The following SLC24A4 variants were observed in gnomAD, a reference collection of about 807,000 sequenced individuals.
SLC24A4 encodes the protein solute carrier family 24 member 4, also known as sodium/potassium/calcium exchanger 4.
In SLC24A4, 53 loss-of-function variants were observed where a neutral mutation model predicts 79.0. The ratio of observed to expected loss-of-function variants is 0.67; its 90% CI spans 0.54 to 0.84. SLC24A4 has a LOEUF of 0.84. Ranked by LOEUF, SLC24A4 falls within the 40% of genes least tolerant of loss-of-function variation. The pLI is 0.00. For synonymous variants in SLC24A4, 323 were observed against 323.8 expected, an observed-to-expected ratio of 1.00 and a Z score of 0.03; for missense variants, 731 against 822.0, an observed-to-expected ratio of 0.89 and a Z score of 1.35.
intron 2 of SLC24A4, among the ~76,000 whole-genome samples, chr14:92,329,453 A>T (rs188893602): frequency 1.9e-3 from 283 of 152,194 alleles, no homozygotes; most frequent in Admixed American, 3.3e-3. Flanking sequence ...TTTTGATCTC[A>T]TTATCTGAGT....
chr14:92,459,576 G>C (rs1893678233), intron 12 of SLC24A4, among the ~76,000 whole-genome samples: 3 of 152,164 alleles, frequency 2.0e-5, no homozygotes, highest in African/African-American at 7.2e-5. Flanking sequence ...TGTCCTCCCT[G>C]CCCTCAGGAA....
chr14:92,367,051 A>C (rs950575546), intron 2 of SLC24A4, among the ~76,000 whole-genome samples: 8 of 152,312 alleles, frequency 5.3e-5, no homozygotes, highest in African/African-American at 1.7e-4. Flanking sequence ...GTGAGGGAGC[A>C]GGTGGACACC....
chr14:92,413,203 A>C (rs1328829433), intron 2 of SLC24A4, among the ~76,000 whole-genome samples: 2 of 152,104 alleles, frequency 1.3e-5, no homozygotes, highest in Non-Finnish European at 2.9e-5. Context: ...CTGCTCTCCA[A>C]TAAGGAGAGT....
At chr14:92,405,907 A>C (rs149736447) in intron 2 of SLC24A4, among the ~76,000 whole-genome samples, 1 of 152,192 alleles carries the variant, frequency 6.6e-6, no homozygotes, top group African/African-American at 2.4e-5. Context: ...CCTTCCCAAC[A>C]GTCCCCCAAA....
chr14:92,457,900 C>G (rs950111625), intron 12 of SLC24A4, among the ~76,000 whole-genome samples: 7 of 152,204 alleles, frequency 4.6e-5, no homozygotes, highest in African/African-American at 1.7e-4. Flanking sequence ...GCCTCTTGTC[C>G]CATCTTGATG....
At chr14:92,453,001 A>T (rs1393344256) in intron 10 of SLC24A4, 1 of 152,192 alleles carries the variant, frequency 6.6e-6, no homozygotes, top group Non-Finnish European at 1.5e-5. Flanking sequence ...TTTGGAGGGG[A>T]ACACTCTGCC....
intron 2 of SLC24A4, among the ~76,000 whole-genome samples, chr14:92,330,287 T>C (rs1442962393): frequency 6.6e-6 from 1 of 152,250 alleles, no homozygotes; most frequent in African/African-American, 2.4e-5. Flanking sequence ...AAAATTTGAA[T>C]GTTAACACTT....
rs531756651 is a variant in SLC24A4, at chr14:92,455,882, G to C, written c.1051-522G>C. Among the ~76,000 whole-genome samples the C allele has an allele frequency of 2.6e-5, 4 of 152,240 alleles. No individual in the cohort carries two copies. The East Asian group carries it at 7.7e-4, about 29-fold the overall frequency. The stretch of plus-strand genomic sequence containing the variant: ...CGGCTGGCTAGTTTTTGTATTTTTA[G>C]TAGAGACAGGGTTTCACCATGTTGG... On this transcript the variant is annotated intron_variant, in intron 11 of 16. Transcript: ENST00000532405.
chr14:92,486,630 G>A, intron 13 of SLC24A4, 36 bp from the exon 14 acceptor site: 1 of 1,314,738 alleles, frequency 7.6e-7, no homozygotes, highest in Non-Finnish European at 1.1e-6. Flanking sequence ...ACACACTGTT[G>A]GTTGAGAGTT....
intron 2 of SLC24A4, among the ~76,000 whole-genome samples, chr14:92,431,396 C>A (rs148949366): frequency 6.6e-6 from 1 of 152,328 alleles, no homozygotes; most frequent in African/African-American, 2.4e-5. Flanking sequence ...CTAAGTCCAT[C>A]GGCTGCTAGA....
intron 2 of SLC24A4, among the ~76,000 whole-genome samples, chr14:92,390,962 T>C (rs978626157): frequency 6.6e-6 from 1 of 152,156 alleles, no homozygotes; most frequent in Non-Finnish European, 1.5e-5. Context: ...GCTCTTTCCA[T>C]CTTGCAGCTT....
chr14:92,371,495 C>G (rs1888149564), intron 2 of SLC24A4, among the ~76,000 whole-genome samples: 1 of 152,142 alleles, frequency 6.6e-6, no homozygotes, highest in South Asian at 2.1e-4. Flanking sequence ...TATAGATGGC[C>G]AGAGATTCCA....
intron 10 of SLC24A4, chr14:92,451,220 T>C (rs1453967545): frequency 1.3e-5 from 2 of 152,030 alleles, no homozygotes; most frequent in Non-Finnish European, 2.9e-5. Context: ...ACGCCTGGAA[T>C]TGGAGAAAGG....
At chr14:92,345,736 G>A (rs1196408367) in intron 2 of SLC24A4, among the ~76,000 whole-genome samples, 1 of 152,074 alleles carries the variant, frequency 6.6e-6, no homozygotes, top group Admixed American at 6.6e-5. Context: ...TTTACAGCAG[G>A]ATTTGCTGAG....
chr14:92,461,537 C>G (rs1283290145), intron 12 of SLC24A4, among the ~76,000 whole-genome samples: 1 of 152,048 alleles, frequency 6.6e-6, no homozygotes, highest in African/African-American at 2.4e-5. Context: ...TTCACGTGGC[C>G]TTGTTTGTTT....
At chr14:92,334,553 CTCTT>C (rs1230889438) in intron 2 of SLC24A4, among the ~76,000 whole-genome samples, 1 of 152,190 alleles carries the variant, frequency 6.6e-6, no homozygotes, top group East Asian at 1.9e-4. Context: ...CTCCCTCTCT[CTCTT>C]TCTTAACAAA....
chr14:92,356,802 T>C (rs1341256443), intron 2 of SLC24A4, among the ~76,000 whole-genome samples: 1 of 152,232 alleles, frequency 6.6e-6, no homozygotes, highest in Admixed American at 6.5e-5. Flanking sequence ...GTCTGGCCCC[T>C]GTTATCCACG....
chr14:92,359,291 C>G (rs1408891277), intron 2 of SLC24A4, among the ~76,000 whole-genome samples: 1 of 151,130 alleles, frequency 6.6e-6, no homozygotes, highest in East Asian at 1.9e-4. Flanking sequence ...TAAAAATGAT[C>G]AAGTCCGGGC....
chr14:92,454,500 G>A (rs2139844620), intron 11 of SLC24A4, among the ~76,000 whole-genome samples: 1 of 152,222 alleles, frequency 6.6e-6, no homozygotes, highest in East Asian at 1.9e-4. Flanking sequence ...TGTTTAAATG[G>A]GGTGCTTTTA....
Sources: gnomAD v4.1 joint callset for allele counts (sites outside exome capture counted in the v4.1 genomes callset) on GRCh38, gnomAD v4.1.1 for gene constraint, MANE v1.5 for transcripts, NCBI Gene and HGNC (gene_info 2026-07-23, HGNC 2026-07-21) for gene names.